TAFA1: variants seen among roughly 807,000 people sequenced by gnomAD.
TAFA1 encodes TAFA chemokine like family member 1, also known as chemokine-like protein TAFA-1.
Under a neutral mutation model 18.5 loss-of-function variants are expected in TAFA1, and 4 were observed. The ratio of observed to expected loss-of-function variants is 0.22; its 90% CI spans 0.11 to 0.49. The LOEUF (loss-of-function observed/expected upper bound fraction) is 0.49. Ranked by LOEUF, TAFA1 falls within the 20% of genes least tolerant of loss-of-function variation. The probability of loss-of-function intolerance (pLI) is 0.98; values close to 1 mark genes in which losing one functional copy is unlikely to be tolerated. For missense variants in TAFA1, 147 were observed against 169.0 expected, an observed-to-expected ratio of 0.87 and a Z score of 0.72; for synonymous variants, 56 against 55.2, an observed-to-expected ratio of 1.01 and a Z score of -0.06.
intron 3 of TAFA1, among the ~76,000 whole-genome samples, chr3:68,438,694 G>C (rs576390167): frequency 3.9e-5 from 6 of 152,238 alleles, no homozygotes; most frequent in South Asian, 2.1e-4. Context: ...TTGCCCTCAG[G>C]TTGTCTGACA....
intron 3 of TAFA1, among the ~76,000 whole-genome samples, chr3:68,497,553 C>A (rs1231172495): frequency 6.6e-6 from 1 of 152,006 alleles, no homozygotes; most frequent in Non-Finnish European, 1.5e-5. Context: ...ATGTGCCTGG[C>A]AGAAGAATCA....
intron 2 of TAFA1, among the ~76,000 whole-genome samples, chr3:68,216,615 T>C (rs1048163862): frequency 6.6e-6 from 1 of 152,088 alleles, no homozygotes; most frequent in East Asian, 1.9e-4. Flanking sequence ...AGTGCCCAGA[T>C]CATAGTTTCC....
chr3:68,225,269 G>A (rs952783406), intron 2 of TAFA1, among the ~76,000 whole-genome samples: 6 of 151,988 alleles, frequency 3.9e-5, no homozygotes, highest in Admixed American at 1.3e-4. Flanking sequence ...TAAGCCTAGT[G>A]TACTCTCATG....
intron 2 of TAFA1, among the ~76,000 whole-genome samples, chr3:68,062,660 GC>G (rs1387803935): frequency 6.6e-6 from 1 of 152,174 alleles, no homozygotes; most frequent in African/African-American, 2.4e-5. Flanking sequence ...CCTATTCTCT[GC>G]TAGCTGCACA....
At chr3:68,035,923 A>C (rs1195416601) in intron 2 of TAFA1, among the ~76,000 whole-genome samples, 1 of 152,186 alleles carries the variant, frequency 6.6e-6, no homozygotes, top group Non-Finnish European at 1.5e-5. Flanking sequence ...CCAGACAAAA[A>C]ACCACATGAT....
rs978374746 is a variant in TAFA1, at chr3:68,155,130, A to G, written c.118+148386A>G. Reference sequence around the variant, plus strand: ...TTAAGATGTGGAAACTGAGACTTGAATAAGTTGTATTACTCATCTCTGGGC... The same window carrying G: ...TTAAGATGTGGAAACTGAGACTTGAGTAAGTTGTATTACTCATCTCTGGGC... On this transcript the variant is annotated intron_variant, in intron 2 of 4. Transcript: ENST00000478136. Among the ~76,000 whole-genome samples the G allele has an allele frequency of 6.6e-5, 10 of 152,158 alleles. 1 individual carries two copies. Among genetic ancestry groups the G allele is most frequent in the Non-Finnish European group, 1.3e-4 (9 of 68,022 alleles).
chr3:68,499,486 AAATTTCTG>A (rs1445851055), intron 3 of TAFA1, among the ~76,000 whole-genome samples: 2 of 144,010 alleles, frequency 1.4e-5, no homozygotes, highest in Non-Finnish European at 3.0e-5. Flanking sequence ...CTACAAACTA[AAATTTCTG>A]AATTCACGTT....
At chr3:68,301,991 T>C (rs193164446) in intron 2 of TAFA1, among the ~76,000 whole-genome samples, 20 of 152,360 alleles carry the variant, frequency 1.3e-4, no homozygotes, top group Admixed American at 8.5e-4. Flanking sequence ...TTAGTTCATT[T>C]TATCCTAGTT....
At chr3:68,036,564 C>G (rs999509128) in intron 2 of TAFA1, among the ~76,000 whole-genome samples, 7 of 152,072 alleles carry the variant, frequency 4.6e-5, no homozygotes, top group African/African-American at 1.7e-4. Context: ...AGTCGTAGAG[C>G]CTGTCACCTC....
chr3:68,005,760 T>A (rs1391632982), intron 1 of TAFA1, among the ~76,000 whole-genome samples: 1 of 152,342 alleles, frequency 6.6e-6, no homozygotes, highest in East Asian at 1.9e-4. Flanking sequence ...TTTGATTAAT[T>A]TGGCAATATG....
chr3:68,364,747 A>G (rs1273631803), intron 2 of TAFA1, among the ~76,000 whole-genome samples: 1 of 152,216 alleles, frequency 6.6e-6, no homozygotes, highest in African/African-American at 2.4e-5. Flanking sequence ...ATACTCCTTC[A>G]TATGTGCCAG....
At chr3:68,474,380 G>A (rs1224258867) in intron 3 of TAFA1, among the ~76,000 whole-genome samples, 2 of 152,152 alleles carry the variant, frequency 1.3e-5, no homozygotes, top group Non-Finnish European at 2.9e-5. Flanking sequence ...AGCTTTGCCT[G>A]GAGGCCGATT....
In TAFA1 at chr3:68,406,891, A is replaced by G. The variant is rs150742134; in HGVS notation, c.119-10389A>G. 3.3e-3 allele frequency among the ~76,000 whole-genome samples: 510 copies of G among 152,284 alleles called. 4 individuals are homozygous for G. Among genetic ancestry groups the G allele is most frequent in the African/African-American group, 0.012 (484 of 41,572 alleles). On this transcript the variant is annotated intron_variant, in intron 2 of 4. Coordinates refer to ENST00000478136, the MANE Select transcript of TAFA1 (RefSeq NM_213609.4). ...CCTCATTGGTGCACCTTTGGGTGAAATGTATTTCCGTGGGGGTAGACCAGT... is the reference window on the plus strand; with the variant it reads ...CCTCATTGGTGCACCTTTGGGTGAAGTGTATTTCCGTGGGGGTAGACCAGT...
At chr3:68,242,112 T>C (rs1376712568) in intron 2 of TAFA1, among the ~76,000 whole-genome samples, 2 of 152,168 alleles carry the variant, frequency 1.3e-5, no homozygotes, top group Non-Finnish European at 2.9e-5. Context: ...GCATATACTT[T>C]ACACAGCTTC....
intron 2 of TAFA1, among the ~76,000 whole-genome samples, chr3:68,028,747 T>A (rs960826229): frequency 9.0e-4 from 32 of 35,560 alleles, no homozygotes; most frequent in African/African-American, 1.2e-3. Flanking sequence ...TCTTTTTTTT[T>A]AAAATTTTTT....
intron 2 of TAFA1, among the ~76,000 whole-genome samples, chr3:68,342,023 C>T (rs1243457671): frequency 6.6e-6 from 1 of 152,128 alleles, no homozygotes; most frequent in Non-Finnish European, 1.5e-5. Flanking sequence ...GAAACTGCAT[C>T]ATCAAATGGT....
chr3:68,311,339 C>T (rs981322008), intron 2 of TAFA1, among the ~76,000 whole-genome samples: 1 of 152,188 alleles, frequency 6.6e-6, no homozygotes, highest in African/African-American at 2.4e-5. Context: ...TCCCAACAGT[C>T]TCCGAAAGTG....
intron 2 of TAFA1, among the ~76,000 whole-genome samples, chr3:68,283,785 T>G (rs542734740): frequency 6.6e-6 from 1 of 152,234 alleles, no homozygotes; most frequent in Non-Finnish European, 1.5e-5. Flanking sequence ...ATTCCTGCCT[T>G]TAAGAGCATG....
intron 2 of TAFA1, among the ~76,000 whole-genome samples, chr3:68,019,796 A>T (rs964262835): frequency 2.0e-5 from 3 of 151,612 alleles, no homozygotes; most frequent in Non-Finnish European, 4.4e-5. Flanking sequence ...CGAAAACAAC[A>T]CCCCTGTCTT....
Sources: gnomAD v4.1 joint callset for allele counts (sites outside exome capture counted in the v4.1 genomes callset) on GRCh38, gnomAD v4.1.1 for gene constraint, MANE v1.5 for transcripts, NCBI Gene and HGNC (gene_info 2026-07-23, HGNC 2026-07-21) for gene names.